CADPS2: variants seen among roughly 807,000 people sequenced by gnomAD.
The protein encoded by CADPS2 is calcium dependent secretion activator 2.
CADPS2 carries 93 observed loss-of-function variants against 172.5 expected under a neutral mutation model. That is an observed-to-expected ratio of 0.54 (90% CI 0.46 to 0.64). The LOEUF (loss-of-function observed/expected upper bound fraction) is 0.64, where lower values mean the gene tolerates loss of function less well. Among genes scored for constraint, CADPS2 ranks in the 30% least tolerant of loss-of-function variants. The pLI, the probability that CADPS2 is intolerant of heterozygous loss-of-function variation, is 0.00. For missense variants in CADPS2, 1,420 were observed against 1,565.9 expected, an observed-to-expected ratio of 0.91 and a Z score of 1.57; for synonymous variants, 546 against 555.2, an observed-to-expected ratio of 0.98 and a Z score of 0.23.
intron 2 of CADPS2, among the ~76,000 whole-genome samples, chr7:122,719,392 C>G (rs2090095064): frequency 6.6e-6 from 1 of 151,856 alleles, no homozygotes; most frequent in Non-Finnish European, 1.5e-5. Context: ...GACTATCCCC[C>G]TATCCTTCTG....
chr7:122,469,365 T>C (rs1317743100), intron 14 of CADPS2, among the ~76,000 whole-genome samples: 1 of 152,184 alleles, frequency 6.6e-6, no homozygotes, highest in Admixed American at 6.5e-5. Flanking sequence ...TCTCATCCTC[T>C]TGCATTTTAG....
intron 1 of CADPS2, among the ~76,000 whole-genome samples, chr7:122,808,627 T>C (rs1179550924): frequency 1.3e-5 from 2 of 152,214 alleles, no homozygotes; most frequent in Non-Finnish European, 2.9e-5. Flanking sequence ...CTTGTAAATG[T>C]AAAACAAATC....
intron 1 of CADPS2, among the ~76,000 whole-genome samples, chr7:122,834,689 T>C (rs576390357): frequency 2.0e-4 from 30 of 152,298 alleles, no homozygotes; most frequent in Non-Finnish European, 4.1e-4. Context: ...TGCTCACTGC[T>C]AGCACAGCAG....
intron 1 of CADPS2, among the ~76,000 whole-genome samples, chr7:122,877,925 T>G (rs987689750): frequency 9.9e-5 from 15 of 151,844 alleles, no homozygotes; most frequent in Admixed American, 2.0e-4. Context: ...ACACGGTGAG[T>G]GAGTGAGAAG....
intron 1 of CADPS2, among the ~76,000 whole-genome samples, chr7:122,816,662 G>A (rs1276848387): frequency 6.6e-6 from 1 of 152,180 alleles, no homozygotes; most frequent in Non-Finnish European, 1.5e-5. Context: ...ACTGTAGGAA[G>A]AGTTCCCCTT....
chr7:122,738,510 A>T (rs1384729243), intron 1 of CADPS2, among the ~76,000 whole-genome samples: 2 of 152,068 alleles, frequency 1.3e-5, no homozygotes, highest in Non-Finnish European at 2.9e-5. Context: ...CTTCCATTTC[A>T]TTCGATCCTG....
intron 11 of CADPS2, among the ~76,000 whole-genome samples, chr7:122,487,263 G>A (rs2057913438): frequency 6.6e-6 from 1 of 151,752 alleles, no homozygotes; most frequent in Non-Finnish European, 1.5e-5. Flanking sequence ...CCCCCACCTC[G>A]ACCTCCCAAA....
At chr7:122,648,949 C>T (rs1173537850) in intron 3 of CADPS2, among the ~76,000 whole-genome samples, 1 of 152,126 alleles carries the variant, frequency 6.6e-6, no homozygotes, top group Non-Finnish European at 1.5e-5. Context: ...TCATTTTAAA[C>T]AACACTGGCC....
At chr7:122,390,054 C>T (rs1003514161) in intron 22 of CADPS2, among the ~76,000 whole-genome samples, 1 of 152,040 alleles carries the variant, frequency 6.6e-6, no homozygotes, top group African/African-American at 2.4e-5. Context: ...CACAAACCTA[C>T]ACTGCTTTTC....
chr7:122,513,010 TAA>T (rs2060113264), intron 9 of CADPS2, among the ~76,000 whole-genome samples: 1 of 152,116 alleles, frequency 6.6e-6, no homozygotes, highest in Non-Finnish European at 1.5e-5. Flanking sequence ...AGCCAGAGGG[TAA>T]AGAGTCCAAA....
rs1184481924 is a variant in CADPS2 at position 122,645,387 on chromosome 7, G to A, written c.787-16059C>T. Among the ~76,000 whole-genome samples the A allele has an allele frequency of 1.4e-3, 62 of 43,086 alleles. 8 individuals are homozygous for A. The highest frequency in any genetic ancestry group is 2.8e-3 in the Non-Finnish European group (51 of 18,058). The allele number at this position is 43,086 out of a possible 152,430, so 28.3% of individuals were successfully genotyped here. A position where few individuals can be genotyped will look rare whatever the true frequency, so the allele number is the denominator to read the frequency against. On this transcript the variant is annotated intron_variant, in intron 3 of 29. Transcript: ENST00000449022. ...TACATGTATACACACATATGTACATGTGTGTGTATATATGTACATATACAC... is the reference window on the plus strand; with the variant it reads ...TACATGTATACACACATATGTACATATGTGTGTATATATGTACATATACAC...
intron 8 of CADPS2, among the ~76,000 whole-genome samples, chr7:122,529,973 T>C (rs892758967): frequency 2.0e-5 from 3 of 152,118 alleles, no homozygotes; most frequent in Non-Finnish European, 4.4e-5. Context: ...ATTAGAAAAC[T>C]GGCATGAAAA....
intron 2 of CADPS2, among the ~76,000 whole-genome samples, chr7:122,700,115 G>A (rs896062709): frequency 2.0e-5 from 3 of 152,114 alleles, no homozygotes; most frequent in Non-Finnish European, 4.4e-5. Flanking sequence ...AAGCAGCCAC[G>A]CTGCTACTGG....
chr7:122,597,668 T>C (rs1035913565), intron 6 of CADPS2, among the ~76,000 whole-genome samples: 1 of 152,106 alleles, frequency 6.6e-6, no homozygotes, highest in Non-Finnish European at 1.5e-5. Flanking sequence ...ACAAAGTCCA[T>C]TTGTACGTAT....
intron 8 of CADPS2, among the ~76,000 whole-genome samples, chr7:122,543,639 A>G (rs1353072206): frequency 6.6e-6 from 1 of 152,146 alleles, no homozygotes; most frequent in Non-Finnish European, 1.5e-5. Context: ...TATAGTAGGG[A>G]GTATTCAAGA....
intron 2 of CADPS2, among the ~76,000 whole-genome samples, chr7:122,716,017 T>C (rs1444596133): frequency 2.0e-5 from 3 of 152,128 alleles, no homozygotes; most frequent in East Asian, 1.9e-4. Flanking sequence ...ATTTCAAATG[T>C]TCTCATCACA....
chr7:122,698,284 C>G (rs777199054), intron 2 of CADPS2: 28 of 1,613,908 alleles, frequency 1.7e-5, no homozygotes, highest in Non-Finnish European at 2.3e-5. Context: ...TAAACAAAGT[C>G]TATGAATGTG....
At chr7:122,806,902 A>T (rs1798905274) in intron 1 of CADPS2, among the ~76,000 whole-genome samples, 3 of 152,210 alleles carry the variant, frequency 2.0e-5, no homozygotes. Context: ...GGGAGAATAC[A>T]TGTGACAACT....
At chr7:122,347,213 A>G (rs1207098031) in intron 27 of CADPS2, among the ~76,000 whole-genome samples, 1 of 152,176 alleles carries the variant, frequency 6.6e-6, no homozygotes, top group East Asian at 1.9e-4. Context: ...GGAAAAAACA[A>G]CTCAAGGTAA....
Sources: allele counts gnomAD v4.1 joint callset (sites outside exome capture counted in the v4.1 genomes callset), GRCh38; gene constraint gnomAD v4.1.1; transcripts MANE v1.5; gene names NCBI Gene and HGNC (gene_info 2026-07-23, HGNC 2026-07-21).